LY96: variants seen among roughly 807,000 people sequenced by gnomAD.
LY96 encodes lymphocyte antigen 96.
LY96 carries 18 observed loss-of-function variants against 18.9 expected under a neutral mutation model. That is an observed-to-expected ratio of 0.95 (90% CI 0.66 to 1.41). LY96 has a LOEUF of 1.41. Among genes scored for constraint, LY96 ranks in the 40% most tolerant of loss-of-function variants. LY96 has a pLI of 0.00. For missense variants in LY96, 175 were observed against 182.4 expected, an observed-to-expected ratio of 0.96 and a Z score of 0.23; for synonymous variants, 66 against 62.6, an observed-to-expected ratio of 1.06 and a Z score of -0.26.
the LY96 span, among the ~76,000 whole-genome samples, chr8:74,091,972 C>G: frequency 6.6e-6 from 1 of 152,178 alleles, no homozygotes; most frequent in Non-Finnish European, 1.5e-5. Context: ...GCAGGACACG[C>G]TTTCTGTCCT....
chr8:74,098,077 G>T, the LY96 span, among the ~76,000 whole-genome samples: 1 of 152,156 alleles, frequency 6.6e-6, no homozygotes, highest in Non-Finnish European at 1.5e-5. Context: ...ATAGCTGGGG[G>T]ACTGTCTCAG....
chr8:74,074,519 TCTA>T, the LY96 span, among the ~76,000 whole-genome samples: 8 of 152,134 alleles, frequency 5.3e-5, no homozygotes, highest in African/African-American at 1.9e-4. Context: ...TTTCTTTTCT[TCTA>T]CTAATTTTGG....
chr8:73,995,787 A>T (rs1816114281), intron 1 of LY96, among the ~76,000 whole-genome samples: 6 of 152,128 alleles, frequency 3.9e-5, no homozygotes, highest in African/African-American at 1.2e-4. Context: ...ATTTAGTGAA[A>T]CCAATATTCT....
chr8:74,079,275 G>A, the LY96 span, among the ~76,000 whole-genome samples: 2 of 152,222 alleles, frequency 1.3e-5, no homozygotes, highest in African/African-American at 4.8e-5. Flanking sequence ...TGGGCCTTCA[G>A]CTTGCAGATG....
At chr8:74,043,966 T>A in the LY96 span, among the ~76,000 whole-genome samples, 5 of 152,138 alleles carry the variant, frequency 3.3e-5, no homozygotes, top group Non-Finnish European at 7.4e-5. Context: ...TCCAAGTAGT[T>A]GGGAGGTTGC....
Position 74,014,484 on chromosome 8 carries a change from GTT to G in LY96, c.331+4373_331+4374del, listed in dbSNP as rs59403354. On this transcript the variant is annotated intron_variant, in intron 3 of 4. Transcript: ENST00000284818. Reference sequence around the variant, plus strand: ...ATGATGTGTACAAAAGAACAGGCAGGTTTTTTTTTTTTTTTTTTTAAAGGGAA... The same window carrying G: ...ATGATGTGTACAAAAGAACAGGCAGGTTTTTTTTTTTTTTTTTAAAGGGAA... Among the ~76,000 whole-genome samples the G allele has an allele frequency of 3.7e-3, 482 of 131,346 alleles. 1 individual carries two copies. Among genetic ancestry groups the G allele is most frequent in the Non-Finnish European group, 6.3e-3 (389 of 61,848 alleles). 86.2% of individuals were successfully genotyped at this position (131,346 alleles called of 152,430 possible).
chr8:74,028,257 A>AT (rs1816909868), intron 4 of LY96, among the ~76,000 whole-genome samples: 1 of 151,990 alleles, frequency 6.6e-6, no homozygotes. Flanking sequence ...GTCTTTTGGT[A>AT]TTTTTTCTTT....
At chr8:73,996,354 TTCC>T (rs1209173907) in intron 1 of LY96, among the ~76,000 whole-genome samples, 121 of 132,392 alleles carry the variant, frequency 9.1e-4, no homozygotes, top group African/African-American at 3.1e-3. Context: ...CCTTCCTTCC[TTCC>T]TTCCTTCCTT....
chr8:74,038,204 A>G, the LY96 span, among the ~76,000 whole-genome samples: 1 of 152,136 alleles, frequency 6.6e-6, no homozygotes, highest in South Asian at 2.1e-4. Flanking sequence ...CAATTGAATT[A>G]TACTCTTTTT....
chr8:74,068,935 C>T, the LY96 span, among the ~76,000 whole-genome samples: 1 of 152,268 alleles, frequency 6.6e-6, no homozygotes, highest in East Asian at 1.9e-4. Flanking sequence ...GCTGGGAATA[C>T]AGGCACACAC....
the LY96 span, among the ~76,000 whole-genome samples, chr8:74,084,570 C>A: frequency 7.2e-5 from 11 of 152,096 alleles, no homozygotes; most frequent in Non-Finnish European, 1.5e-5. Context: ...TTCCTCTGGC[C>A]GCATCTGTAA....
chr8:74,036,890 G>A, the LY96 span, among the ~76,000 whole-genome samples: 5 of 152,146 alleles, frequency 3.3e-5, no homozygotes, highest in African/African-American at 4.8e-5. Context: ...TCCTTATGGG[G>A]AGGGGTTTGG....
the LY96 span, among the ~76,000 whole-genome samples, chr8:74,075,064 C>T: frequency 6.6e-6 from 1 of 152,110 alleles, no homozygotes; most frequent in African/African-American, 2.4e-5. Flanking sequence ...GAAGATGTGT[C>T]CGATGCTGAA....
At chr8:74,030,244 G>A (rs895678633), downstream of LY96, among the ~76,000 whole-genome samples, 6 of 152,172 alleles carry the variant, frequency 3.9e-5, no homozygotes, top group African/African-American at 1.4e-4. Flanking sequence ...TGGGTGCAGT[G>A]GCTCACACCT....
At chr8:73,996,964 C>T (rs148940132) in intron 1 of LY96, among the ~76,000 whole-genome samples, 7,136 of 151,816 alleles carry the variant, frequency 0.047, 287 homozygotes, top group Admixed American at 0.13. Flanking sequence ...AGGCTGGTCT[C>T]GAACTTCTGA....
chr8:74,051,846 C>T, the LY96 span, among the ~76,000 whole-genome samples: 3 of 152,170 alleles, frequency 2.0e-5, no homozygotes, highest in African/African-American at 7.2e-5. Context: ...ATGTTTGTTG[C>T]TTGAGCCGCC....
At chr8:74,072,068 G>A in the LY96 span, among the ~76,000 whole-genome samples, 1 of 152,094 alleles carries the variant, frequency 6.6e-6, no homozygotes, top group South Asian at 2.1e-4. Flanking sequence ...GAGTATATGT[G>A]GATGTTCAAT....
intron 1 of LY96, among the ~76,000 whole-genome samples, chr8:73,994,555 T>C (rs1302182947): frequency 6.6e-6 from 1 of 152,174 alleles, no homozygotes; most frequent in African/African-American, 2.4e-5. Flanking sequence ...GGTGGAATCA[T>C]GGCTCACTGC....
At chr8:74,091,575 C>G in the LY96 span, among the ~76,000 whole-genome samples, 3 of 152,306 alleles carry the variant, frequency 2.0e-5, no homozygotes, top group South Asian at 2.1e-4. Flanking sequence ...TGATATGGCT[C>G]TCCTGAAATG....
Sources: gnomAD v4.1 joint callset for allele counts (sites outside exome capture counted in the v4.1 genomes callset) on GRCh38, gnomAD v4.1.1 for gene constraint, MANE v1.5 for transcripts, NCBI Gene and HGNC (gene_info 2026-07-23, HGNC 2026-07-21) for gene names.